The following CCNY variants were observed in gnomAD, a reference collection of about 807,000 sequenced individuals.
The protein encoded by CCNY is cyclin Y, also known as cyclin-Y.
Under a neutral mutation model 42.8 loss-of-function variants are expected in CCNY, and 19 were observed. The observed-to-expected ratio is 0.44, with a 90% confidence interval of 0.31 to 0.65. CCNY has a LOEUF of 0.65. Among genes scored for constraint, CCNY ranks in the 30% least tolerant of loss-of-function variants. The probability of loss-of-function intolerance (pLI) is 0.07; values close to 1 mark genes in which losing one functional copy is unlikely to be tolerated. For missense variants in CCNY, 370 were observed against 437.3 expected (o/e 0.85, Z 1.37); for synonymous variants, 165 against 162.7 (o/e 1.01, Z -0.11).
intron 3 of CCNY, among the ~76,000 whole-genome samples, chr10:35,514,121 G>GCATTTCTA (rs1840380250): frequency 6.7e-6 from 1 of 148,868 alleles, no homozygotes; most frequent in Admixed American, 6.7e-5. Flanking sequence ...GGGGTCAAGA[G>GCATTTCTA]CATTTCTAGT....
At chr10:35,469,815 G>C (rs1839349722) in intron 1 of CCNY, among the ~76,000 whole-genome samples, 1 of 151,562 alleles carries the variant, frequency 6.6e-6, no homozygotes, top group Non-Finnish European at 1.5e-5. Context: ...GAGATGGAGA[G>C]ATAGGGAGAT....
chr10:35,274,982 C>A (rs1459219062), intron 3 of CCNY, among the ~76,000 whole-genome samples: 1 of 151,334 alleles, frequency 6.6e-6, no homozygotes, highest in Admixed American at 6.6e-5. Context: ...TGACAGAGAC[C>A]ACTAGCCATT....
At chr10:35,565,952 A>C in intron 8 of CCNY, 71 bp from the exon 9 acceptor site, 1 of 1,491,664 alleles carries the variant, frequency 6.7e-7, no homozygotes, top group Non-Finnish European at 9.1e-7. Flanking sequence ...GGTCTCCAGC[A>C]ACTTGCCTTG....
chr10:35,482,979 T>C (rs1369981618), intron 1 of CCNY, among the ~76,000 whole-genome samples: 1 of 152,222 alleles, frequency 6.6e-6, no homozygotes, highest in African/African-American at 2.4e-5. Flanking sequence ...ATGTGGATGC[T>C]GATTCGCCCT....
intron 1 of CCNY, chr10:35,347,480 A>G (rs1836331123): frequency 2.1e-6 from 2 of 966,712 alleles, no homozygotes; most frequent in African/African-American, 1.8e-5. Flanking sequence ...TAATATAGCT[A>G]TATGTTTCAA....
Position 35,337,134 on chromosome 10 carries a change from G to A in CCNY, c.81G>A (p.Arg27=). The part of the protein sequence containing the change: ...RNAHSRLESY[R]PDTDLSREDT... ...CCCACTCCCGGCTGGAGTCCTACCG[G>A]CCAGACACGGACCTGAGCCGCGAGG... Residue 27 remains arginine, a synonymous_variant, in exon 1 of 10, where the codon CGG becomes CGA. Transcript: ENST00000374704. The A allele has an allele frequency of 6.3e-7, 1 of 1,588,484 alleles. No homozygotes were observed. The highest frequency in any genetic ancestry group is 2.4e-5 in the East Asian group (1 of 42,444).
chr10:35,432,962 A>T (rs919091472), intron 1 of CCNY, among the ~76,000 whole-genome samples: 1 of 152,208 alleles, frequency 6.6e-6, no homozygotes, highest in Non-Finnish European at 1.5e-5. Flanking sequence ...GAACTAGACT[A>T]ACGTGCCATT....
chr10:35,501,237 ATC>A (rs1244379542), intron 2 of CCNY, among the ~76,000 whole-genome samples: 1 of 152,180 alleles, frequency 6.6e-6, no homozygotes, highest in Non-Finnish European at 1.5e-5. Context: ...GTTAATGGAA[ATC>A]TGTTACCCCT....
At chr10:35,546,757 T>C (rs1206281200) in intron 7 of CCNY, among the ~76,000 whole-genome samples, 1 of 148,106 alleles carries the variant, frequency 6.8e-6, no homozygotes, top group African/African-American at 2.7e-5. Flanking sequence ...CATGACTGTT[T>C]GTTTTTTTCC....
Position 35,356,917 on chromosome 10 carries a change from C to T in CCNY, c.154+19710C>T, listed in dbSNP as rs1220350094. On this transcript the variant is annotated intron_variant, in intron 1 of 9. Coordinates refer to ENST00000374704, the MANE Select transcript of CCNY (RefSeq NM_145012.6). ...TAAATACATACTCCTCCCCGTGGCT[C>T]AGAGTCATTGGTGTCTGTCCCCTGC... 2.0e-5 allele frequency among the ~76,000 whole-genome samples: 3 copies of T among 152,282 alleles called. No homozygotes were observed. The East Asian group carries it at 5.8e-4, about 29-fold the overall frequency.
chr10:35,553,217 A>G (rs370555148), intron 8 of CCNY, 32 bp downstream of exon 8: 1 of 1,609,482 alleles, frequency 6.2e-7, no homozygotes, highest in African/African-American at 1.3e-5. Flanking sequence ...GTTGGTCATC[A>G]GAGTCTTGGC....
chr10:35,364,948 T>C (rs1424819253), intron 1 of CCNY, among the ~76,000 whole-genome samples: 1 of 152,238 alleles, frequency 6.6e-6, no homozygotes, highest in Non-Finnish European at 1.5e-5. Context: ...AAGCTCACCA[T>C]GTATATGCTT....
At chr10:35,324,267 T>G (rs1835855509) in intron 3 of CCNY, among the ~76,000 whole-genome samples, 1 of 152,188 alleles carries the variant, frequency 6.6e-6, no homozygotes, top group African/African-American at 2.4e-5. Context: ...CTGCCCACTC[T>G]GAAGCCAAGT....
intron 3 of CCNY, among the ~76,000 whole-genome samples, chr10:35,321,221 C>A (rs1040150057): frequency 1.3e-5 from 2 of 150,920 alleles, no homozygotes; most frequent in African/African-American, 2.4e-5. Flanking sequence ...ATGCAAGGCA[C>A]CTATACAATT....
intron 3 of CCNY, among the ~76,000 whole-genome samples, chr10:35,320,012 T>C (rs1291794167): frequency 6.6e-6 from 1 of 152,168 alleles, no homozygotes; most frequent in African/African-American, 2.4e-5. Context: ...AATTAAAACT[T>C]CCTGCAAAGA....
chr10:35,367,330 G>C (rs1836831253), intron 1 of CCNY, among the ~76,000 whole-genome samples: 1 of 152,086 alleles, frequency 6.6e-6, no homozygotes, highest in South Asian at 2.1e-4. Context: ...GCACTAGCTG[G>C]GAGCCTTGGG....
chr10:35,274,494 T>C (rs997172332), intron 3 of CCNY, among the ~76,000 whole-genome samples: 1 of 152,154 alleles, frequency 6.6e-6, no homozygotes, highest in Non-Finnish European at 1.5e-5. Context: ...TGTCACAGGC[T>C]CCTAAACCTG....
rs1028084369 is a variant in CCNY, at chr10:35,530,809, C to T, written c.579+566C>T. ...TTTTACAGCTGGGCTCCATGGCTCA[C>T]GTCAGTAATTTCAGCACTTTGGGAG... is the stretch of plus-strand genomic sequence containing the variant. On this transcript the variant is annotated intron_variant, in intron 7 of 9. Transcript: ENST00000374704. The surrounding 1 kb of genome is among the most constrained non-coding windows in gnomAD (Gnocchi z 4.3). Among the ~76,000 whole-genome samples, 8 of 152,086 alleles carry T rather than the reference C, an allele frequency of 5.3e-5. No individual in the cohort carries two copies. The highest frequency in any genetic ancestry group is 7.4e-5 in the Non-Finnish European group (5 of 68,016).
chr10:35,503,742 G>A (rs1450209405), intron 3 of CCNY, among the ~76,000 whole-genome samples: 1 of 152,184 alleles, frequency 6.6e-6, no homozygotes, highest in East Asian at 1.9e-4. Context: ...CTGTTTTACA[G>A]ATGAGGAGAT....
Sources: gnomAD v4.1 joint callset for allele counts (sites outside exome capture counted in the v4.1 genomes callset) on GRCh38, gnomAD v4.1.1 for gene constraint, Gnocchi (gnomAD v3.1) non-coding constraint, MANE v1.5 for transcripts, NCBI Gene and HGNC (gene_info 2026-07-23, HGNC 2026-07-21) for gene names.